Variants in CRADD observed in about 807,000 individuals in gnomAD.
The protein encoded by CRADD is CARD and death domain containing adaptor protein.
A neutral mutation model predicts 15.5 loss-of-function variants in CRADD; 9 were observed. The observed-to-expected ratio is 0.58, with a 90% CI of 0.35 to 1.01. CRADD has a LOEUF of 1.01. CRADD is among the 50% of genes least tolerant of loss of function. The pLI is 0.02. For synonymous variants in CRADD, 118 were observed against 107.6 expected (o/e 1.10, Z -0.60); for missense variants, 227 against 250.3 (o/e 0.91, Z 0.63).
chr12:93,750,842 C>CAGATAG (rs1956820714), intron 2 of CRADD, among the ~76,000 whole-genome samples: 1 of 152,138 alleles, frequency 6.6e-6, no homozygotes, highest in African/African-American at 2.4e-5. Flanking sequence ...GGACACATCG[C>CAGATAG]AGATGTCACA....
At chr12:93,789,175 G>T (rs190974801) in intron 2 of CRADD, among the ~76,000 whole-genome samples, 8 of 151,882 alleles carry the variant, frequency 5.3e-5, no homozygotes, top group African/African-American at 1.9e-4. Flanking sequence ...GAGTTTTTCT[G>T]TGAGAGGCTA....
At chr12:93,812,407 A>G (rs1479689546) in intron 2 of CRADD, among the ~76,000 whole-genome samples, 3 of 152,060 alleles carry the variant, frequency 2.0e-5, no homozygotes, top group African/African-American at 7.2e-5. Context: ...GTGGACTTCA[A>G]AAAAAATTCA....
intron 2 of CRADD, among the ~76,000 whole-genome samples, chr12:93,892,217 C>T (rs143240877): frequency 2.0e-5 from 3 of 152,324 alleles, no homozygotes; most frequent in African/African-American, 7.2e-5. Context: ...TGCTGATCGG[C>T]AGGTACACCC....
chr12:93,852,052 G>T (rs984522209), downstream of CRADD, among the ~76,000 whole-genome samples: 2 of 152,180 alleles, frequency 1.3e-5, no homozygotes, highest in Non-Finnish European at 2.9e-5. Context: ...TTGTAGCCCA[G>T]CCAATAATTC....
rs369732991 is a variant in CRADD at position 93,702,008 on chromosome 12, A to G, written c.298+22936A>G. Among the ~76,000 whole-genome samples the G allele has an allele frequency of 8.0e-5, 12 of 150,662 alleles. No homozygotes were observed. In the South Asian group the frequency reaches 2.5e-3, roughly 32 times the overall value. ...CAGATTTTTGTGATGATCTTTCTCC[A>G]TGTTTTAACATAGATACCGGTAAAC... is the stretch of plus-strand genomic sequence containing the variant. On this transcript the variant is annotated intron_variant, in intron 2 of 2. Coordinates refer to ENST00000332896, the MANE Select transcript of CRADD (RefSeq NM_003805.5).
chr12:93,690,786 C>T (rs991926263), intron 2 of CRADD, among the ~76,000 whole-genome samples: 4 of 152,160 alleles, frequency 2.6e-5, no homozygotes, highest in Admixed American at 6.5e-5. Context: ...CTGTCTCTAT[C>T]GGTCTACTAC....
Position 93,871,370 on chromosome 12 carries a change from G to T in CRADD, c.299-22680G>T, listed in dbSNP as rs191015728. Among the ~76,000 whole-genome samples, 88 of 151,850 alleles carry T rather than the reference G, an allele frequency of 5.8e-4. 1 individual carries two copies. Among genetic ancestry groups the T allele is most frequent in the Admixed American group, 2.8e-3 (43 of 15,254 alleles). Reference sequence around the variant, plus strand: ...GTATAGGTATATAGGTAGGTAATGGGGTATTCATCCCCTCAAGCCTTTATC... The same window carrying T: ...GTATAGGTATATAGGTAGGTAATGGTGTATTCATCCCCTCAAGCCTTTATC... On this transcript the variant is annotated intron_variant, in intron 2 of 2. Transcript: ENST00000548483.
chr12:93,686,654 A>G lies in CRADD; in HGVS notation c.298+7582A>G, dbSNP rs142916051. On this transcript the variant is annotated intron_variant, in intron 2 of 2. Coordinates refer to ENST00000332896, the MANE Select transcript of CRADD (RefSeq NM_003805.5). ...ATGGAGCCATATCCTGGTATTATGA[A>G]TTTTAGAACTGGGTGGGACTCACAG... 3.3e-4 allele frequency among the ~76,000 whole-genome samples: 50 copies of G among 152,334 alleles called. 1 individual carries two copies. In the East Asian group the frequency reaches 8.9e-3, roughly 27 times the overall value.
At chr12:93,811,216 C>G (rs1452600062) in intron 2 of CRADD, among the ~76,000 whole-genome samples, 7 of 152,214 alleles carry the variant, frequency 4.6e-5, no homozygotes, top group Non-Finnish European at 8.8e-5. Flanking sequence ...TTGCCTACAG[C>G]TAGAGTTGCA....
At chr12:93,791,540 T>A (rs545526627) in intron 2 of CRADD, among the ~76,000 whole-genome samples, 1 of 152,066 alleles carries the variant, frequency 6.6e-6, no homozygotes, top group Non-Finnish European at 1.5e-5. Flanking sequence ...GGAGGGCAGG[T>A]GGAGGTGAAG....
intron 2 of CRADD, among the ~76,000 whole-genome samples, chr12:93,869,265 A>G (rs753952167): frequency 6.6e-6 from 1 of 152,230 alleles, no homozygotes. Flanking sequence ...GATTAAGGTT[A>G]TCCACAAGAA....
intron 2 of CRADD, among the ~76,000 whole-genome samples, chr12:93,722,571 C>T (rs962459488): frequency 6.6e-6 from 1 of 152,004 alleles, no homozygotes; most frequent in Non-Finnish European, 1.5e-5. Flanking sequence ...TCTATTGATA[C>T]ATTCTTAAGC....
chr12:93,737,822 C>T (rs141769605), intron 2 of CRADD: 3 of 155,488 alleles, frequency 1.9e-5, no homozygotes, highest in African/African-American at 4.8e-5. Flanking sequence ...GTTTATAGTT[C>T]TAAGAACCAG....
chr12:93,825,472 C>T (rs1957813559), intron 2 of CRADD, among the ~76,000 whole-genome samples: 1 of 152,112 alleles, frequency 6.6e-6, no homozygotes, highest in Admixed American at 6.5e-5. Flanking sequence ...CTTTGTTTTC[C>T]TTTCTCCTTG....
At chr12:93,801,146 C>T (rs11107192) in intron 2 of CRADD, among the ~76,000 whole-genome samples, 3,399 of 152,250 alleles carry the variant, frequency 0.022, 130 homozygotes, top group African/African-American at 0.076. Flanking sequence ...GTGTAATGAT[C>T]ATAGATTGAT....
chr12:93,830,015 AGCACTCCTGATGT>A (rs1369327440), intron 2 of CRADD, among the ~76,000 whole-genome samples: 1 of 152,010 alleles, frequency 6.6e-6, no homozygotes, highest in East Asian at 1.9e-4. Flanking sequence ...TTGCTTATGG[AGCACTCCTGATGT>A]GCCAGGAAAT....
intron 2 of CRADD, among the ~76,000 whole-genome samples, chr12:93,737,448 G>A (rs2136923031): frequency 6.6e-6 from 1 of 152,330 alleles, no homozygotes; most frequent in East Asian, 1.9e-4. Context: ...TAATTTAAAA[G>A]AAAGGATTCA....
intron 2 of CRADD, among the ~76,000 whole-genome samples, chr12:93,683,215 G>A (rs1410762387): frequency 2.0e-5 from 3 of 152,110 alleles, no homozygotes; most frequent in African/African-American, 4.8e-5. Flanking sequence ...GGGACTCAGC[G>A]TAAATCACGG....
At chr12:93,745,928 T>C (rs182038547) in intron 2 of CRADD, among the ~76,000 whole-genome samples, 59 of 152,232 alleles carry the variant, frequency 3.9e-4, no homozygotes, top group Admixed American at 3.2e-3. Context: ...CAAAAAGATA[T>C]TGAGGAAACT....
Sources: allele counts gnomAD v4.1 joint callset (sites outside exome capture counted in the v4.1 genomes callset), GRCh38; gene constraint gnomAD v4.1.1; transcripts MANE v1.5; gene names NCBI Gene and HGNC (gene_info 2026-07-23, HGNC 2026-07-21).